The following USP37 variants were observed in gnomAD, a reference collection of about 807,000 sequenced individuals.
The protein encoded by USP37 is ubiquitin specific peptidase 37.
USP37 carries 27 observed loss-of-function variants against 124.0 expected under a neutral mutation model. The observed-to-expected ratio is 0.22, with a 90% confidence interval of 0.16 to 0.30. USP37 has a LOEUF of 0.30. Ranked by LOEUF, USP37 falls within the 10% of genes least tolerant of loss-of-function variation. USP37 has a pLI of 1.00. For missense variants in USP37, 889 were observed against 1,140.4 expected (o/e 0.78, Z 3.17); for synonymous variants, 365 against 388.0 (o/e 0.94, Z 0.70).
At position 218,454,755 on chromosome 2, in the gene USP37, A is replaced by T; in HGVS notation, c.*175T>A. The T allele has an allele frequency of 7.4e-7, 1 of 1,351,506 alleles. No homozygotes were observed. Among genetic ancestry groups the T allele is most frequent in the South Asian group, 1.7e-5 (1 of 60,224 alleles). The allele number at this position is 1,351,506 out of a possible 1,614,324, so 83.7% of individuals were successfully genotyped here. On this transcript the variant is annotated 3_prime_UTR_variant, in exon 26 of 26. Transcript: ENST00000258399. ...CTACGGATGTGAGACCAAAGTTTCC[A>T]TAAAATAGCATGGAGCATTCTACGT... is the stretch of plus-strand genomic sequence containing the variant.
intron 11 of USP37, among the ~76,000 whole-genome samples, chr2:218,505,271 A>G (rs1451401611): frequency 6.6e-6 from 1 of 152,128 alleles, no homozygotes; most frequent in African/African-American, 2.4e-5. Context: ...TGCCTGCCTC[A>G]GACTCCCAAA....
At chr2:218,564,902 A>G (rs1693503557) in intron 1 of USP37, among the ~76,000 whole-genome samples, 1 of 152,098 alleles carries the variant, frequency 6.6e-6, no homozygotes, top group Non-Finnish European at 1.5e-5. Flanking sequence ...ACACATACAA[A>G]AATTATTATA....
Position 218,463,285 on chromosome 2 carries a change from TAATTA to T in USP37, c.2527+16_2527+20del. The stretch of plus-strand genomic sequence containing the variant: ...TGGTAATTTTACCATTAAAAAAATG[TAATTA>T]AAAAGATCTCCACACCTTGAAGACT... On this transcript the variant is annotated intron_variant, in intron 22 of 25. Coordinates refer to ENST00000258399, the MANE Select transcript of USP37 (RefSeq NM_020935.3). 1 of 1,609,502 alleles carries T rather than the reference TAATTA, an allele frequency of 6.2e-7. No homozygotes were observed. Among genetic ancestry groups the T allele is most frequent in the Admixed American group, 1.7e-5 (1 of 59,682 alleles).
chr2:218,459,635 A>C (rs962015261), intron 23 of USP37, among the ~76,000 whole-genome samples, 155 bp downstream of exon 23: 4 of 152,194 alleles, frequency 2.6e-5, no homozygotes, highest in Admixed American at 1.3e-4. Context: ...GTGAAAAATG[A>C]ACAGCAAATG....
chr2:218,484,798 G>C (rs1011043193), intron 16 of USP37, among the ~76,000 whole-genome samples: 1 of 152,162 alleles, frequency 6.6e-6, no homozygotes. Flanking sequence ...GCACTCTGTA[G>C]GCAAAGTGCT....
chr2:218,490,134 G>A (rs1691848998), intron 14 of USP37, among the ~76,000 whole-genome samples: 2 of 152,100 alleles, frequency 1.3e-5, no homozygotes. Context: ...GGCGGATCAC[G>A]AGATCAGGAA....
At chr2:218,497,496 C>G (rs542989534) in intron 13 of USP37, among the ~76,000 whole-genome samples, 5 of 151,968 alleles carry the variant, frequency 3.3e-5, no homozygotes, top group Non-Finnish European at 2.9e-5. Context: ...CGGGTTCAAG[C>G]AATTCTCCTG....
At chr2:218,561,771 G>A (rs757634927) in intron 2 of USP37, among the ~76,000 whole-genome samples, 4 of 151,912 alleles carry the variant, frequency 2.6e-5, no homozygotes, top group Admixed American at 1.3e-4. Flanking sequence ...ACTTGTTCTC[G>A]CAATAAAATC....
chr2:218,465,452 A>T (rs1340508415), intron 21 of USP37, among the ~76,000 whole-genome samples: 1 of 152,162 alleles, frequency 6.6e-6, no homozygotes, highest in Non-Finnish European at 1.5e-5. Flanking sequence ...AGAAAAGAAA[A>T]AAATAAATTT....
intron 10 of USP37, among the ~76,000 whole-genome samples, chr2:218,521,734 C>A (rs1409284893): frequency 6.6e-6 from 1 of 152,172 alleles, no homozygotes; most frequent in Non-Finnish European, 1.5e-5. Flanking sequence ...AGTCTGGATC[C>A]TACACTAATT....
intron 8 of USP37, among the ~76,000 whole-genome samples, chr2:218,542,912 A>G (rs919062676): frequency 4.6e-5 from 7 of 152,260 alleles, no homozygotes; most frequent in Non-Finnish European, 8.8e-5. Flanking sequence ...GGGTGCTACC[A>G]TAACAAACCT....
In USP37 at chr2:218,488,386, T is replaced by C; in HGVS notation, c.1508A>G (p.Asn503Ser). 7 of 1,611,860 alleles carry C rather than the reference T, an allele frequency of 4.3e-6. No individual in the cohort carries two copies. The highest frequency in any genetic ancestry group is 1.3e-5 in the African/African-American group (1 of 74,938). Reference sequence around the variant, plus strand: ...ACGAGGAAGGTCAATAGAGAGGTCATTAAACTGTTCTCTTTTGGGGATAAT... The same window carrying C: ...ACGAGGAAGGTCAATAGAGAGGTCACTAAACTGTTCTCTTTTGGGGATAAT... ...GEIIPKREQF[N>S]DLSIDLPRRK... Residue 503 changes from asparagine (N) to serine (S), a missense_variant, in exon 15 of 26, where the codon AAT (asparagine) becomes AGT (serine). This residue lies in a region of USP37 where 504 missense variants were observed against 714.3 expected (regional missense o/e 0.71). Transcript: ENST00000258399.
chr2:218,556,279 C>T (rs1225211650), intron 4 of USP37, among the ~76,000 whole-genome samples: 1 of 152,012 alleles, frequency 6.6e-6, no homozygotes, highest in African/African-American at 2.4e-5. Context: ...ACAGAAATCA[C>T]TTCCAGTTTG....
intron 20 of USP37, among the ~76,000 whole-genome samples, chr2:218,468,868 T>C (rs535818265): frequency 6.6e-6 from 1 of 152,192 alleles, no homozygotes; most frequent in South Asian, 2.1e-4. Context: ...TCATTTTTTA[T>C]TTTTAGTAGA....
At chr2:218,487,070 G>C (rs544658192) in intron 15 of USP37, among the ~76,000 whole-genome samples, 1 of 152,116 alleles carries the variant, frequency 6.6e-6, no homozygotes, top group Admixed American at 6.5e-5. Flanking sequence ...CTGCCAATTT[G>C]CTACAACACA....
chr2:218,509,884 C>T, intron 11 of USP37, 95 bp downstream of exon 11: 3 of 1,204,374 alleles, frequency 2.5e-6, no homozygotes, highest in African/African-American at 3.1e-5. Flanking sequence ...TATTTTAGAA[C>T]TTTAATGTGA....
chr2:218,481,709 G>A (rs1476337787), intron 17 of USP37, among the ~76,000 whole-genome samples: 3 of 147,348 alleles, frequency 2.0e-5, no homozygotes, highest in African/African-American at 7.5e-5. Context: ...TTGAGATAGG[G>A]TCTTGCTCTG....
At chr2:218,566,313 A>G (rs541220678) in intron 1 of USP37, among the ~76,000 whole-genome samples, 1 of 152,228 alleles carries the variant, frequency 6.6e-6, no homozygotes, top group Admixed American at 6.5e-5. Flanking sequence ...CAATGTGGCT[A>G]CAGTTTAGTG....
At chr2:218,565,362 A>G (rs1404247204) in intron 1 of USP37, among the ~76,000 whole-genome samples, 1 of 152,246 alleles carries the variant, frequency 6.6e-6, no homozygotes, top group Non-Finnish European at 1.5e-5. Flanking sequence ...TGATTTTTGA[A>G]GGCTTTCTTT....
Sources: allele counts gnomAD v4.1 joint callset (sites outside exome capture counted in the v4.1 genomes callset), GRCh38; gene constraint gnomAD v4.1.1; regional missense constraint gnomAD v4.1.1; transcripts MANE v1.5; gene names NCBI Gene and HGNC (gene_info 2026-07-23, HGNC 2026-07-21).